Variants in COL20A1 observed in about 807,000 individuals in gnomAD.
COL20A1 encodes collagen type XX alpha 1 chain.
In COL20A1, 164 loss-of-function variants were observed where a neutral mutation model predicts 152.9. The ratio of observed to expected loss-of-function variants is 1.07; its 90% CI spans 0.94 to 1.22. The LOEUF (loss-of-function observed/expected upper bound fraction) is 1.22. Ranked by LOEUF, COL20A1 falls within the 50% of genes most tolerant of loss-of-function variation. The pLI, the probability that COL20A1 is intolerant of heterozygous loss-of-function variation, is 0.00. For synonymous variants in COL20A1, 864 were observed against 756.0 expected, an observed-to-expected ratio of 1.14 and a Z score of -2.34; for missense variants, 1,873 against 1,744.8, an observed-to-expected ratio of 1.07 and a Z score of -1.31.
chr20:63,315,270 C>T lies in COL20A1; in HGVS notation c.2489-134C>T, dbSNP rs572007664. 2.6e-5 allele frequency: 23 copies of T among 883,510 alleles called. No homozygotes were observed. The East Asian group carries it at 5.0e-4, about 19-fold the overall frequency. The allele number at this position is 883,510 out of a possible 1,614,324, so 54.7% of individuals were successfully genotyped here. On this transcript the variant is annotated intron_variant, in intron 19 of 35. Transcript: ENST00000358894. ...CAGGCCTTGTGGGTGGCAGATGGGA[C>T]ATAGCACAGTCCCACCTATACAGAT...
rs747345140 is a variant in COL20A1, at chr20:63,305,947, A to G, written c.404A>G (p.Glu135Gly). The change falls in exon 5 of 36, where the codon GAG becomes GGG. Residue 135 changes from glutamate (E) to glycine (G), a missense_variant. Glu to Gly is a moderately conservative substitution (Grantham distance 98). Coordinates refer to ENST00000358894, the MANE Select transcript of COL20A1 (RefSeq NM_020882.4). This position sits in a 1 kb window ranked among gnomAD's most constrained non-coding sequence, Gnocchi z 4.9. ...AGGCCCCTCGGCTCTGGAGCCCCGG[A>G]GCCCACCCCCTCCCACACGGGGAGC... The part of the protein sequence containing the change: ...SQRPLGSGAP[E>G]PTPSHTGSPD... 2.5e-6 allele frequency: 4 copies of G among 1,612,306 alleles called. No individual in the cohort carries two copies. The South Asian group carries it at 4.4e-5, about 18-fold the overall frequency.
intron 19 of COL20A1, 119 bp from the exon 20 acceptor site, chr20:63,315,285 C>G (rs1052504131): frequency 1.0e-6 from 1 of 994,600 alleles, no homozygotes; most frequent in Middle Eastern, 2.0e-4. Flanking sequence ...CACAGTCCCA[C>G]CTATACAGAT....
At chr20:63,309,599 C>T in intron 9 of COL20A1, 102 bp downstream of exon 9, 2 of 1,298,196 alleles carry the variant, frequency 1.5e-6, no homozygotes, top group Non-Finnish European at 2.0e-6. Context: ...GAGGCCGGCT[C>T]CTGTGGCTCT....
Position 63,327,990 on chromosome 20 carries a change from A to G in COL20A1, c.3564+3A>G. ...CCAAAGGGGAACGAGGAGAGAAGGT[A>G]AGTGAGGCTGAGATCTTTGGCTCAC... is the stretch of plus-strand genomic sequence containing the variant. On this transcript the variant is annotated splice_donor_region_variant and intron_variant, in intron 32 of 35. Coordinates refer to ENST00000358894, the MANE Select transcript of COL20A1 (RefSeq NM_020882.4). 6.2e-7 allele frequency: 1 copy of G among 1,609,572 alleles called. No individual in the cohort carries two copies. The highest frequency in any genetic ancestry group is 2.2e-5 in the East Asian group (1 of 44,682).
Position 63,311,496 on chromosome 20 carries a change from G to A in COL20A1, c.1496G>A (p.Arg499Gln), listed in dbSNP as rs1375209778. ...GCCGGGGCCACCCACTACCTGGTGC[G>A]ATGTTCTCCTGCTTCCCCCAAGGGT... The part of the protein sequence containing the change: ...PSAGATHYLV[R>Q]CSPASPKGEE... Residue 499 changes from arginine (R) to glutamine (Q), a missense_variant, in exon 12 of 36, where the codon CGA becomes CAA. Physicochemically the swap from Arg to Gln is conservative, Grantham distance 43. Coordinates refer to ENST00000358894, the MANE Select transcript of COL20A1 (RefSeq NM_020882.4). This position sits in a 1 kb window ranked among gnomAD's most constrained non-coding sequence, Gnocchi z 4.4. The A allele has an allele frequency of 5.1e-6, 8 of 1,583,006 alleles. No homozygotes were observed. Among genetic ancestry groups the A allele is most frequent in the East Asian group, 4.6e-5 (2 of 43,658 alleles).
Position 63,330,726 on chromosome 20 carries a change from T to C in COL20A1, c.*10T>C, listed in dbSNP as rs1348730699. Reference sequence around the variant, plus strand: ...CTCCCTTCTCTCCTGCCAGGACATTTTCTGCACTGCCCCGAGGAACGCTGA... The same window carrying C: ...CTCCCTTCTCTCCTGCCAGGACATTCTCTGCACTGCCCCGAGGAACGCTGA... On this transcript the variant is annotated 3_prime_UTR_variant, in exon 36 of 36. Transcript: ENST00000358894. 6.6e-6 allele frequency: 1 copy of C among 152,212 alleles called. No homozygotes were observed. The highest frequency in any genetic ancestry group is 1.9e-4 in the East Asian group (1 of 5,170). 9.4% of individuals were successfully genotyped at this position (152,212 alleles called of 1,614,324 possible).
intron 11 of COL20A1, 96 bp downstream of exon 11, chr20:63,310,606 G>T: frequency 2.2e-6 from 3 of 1,345,920 alleles, no homozygotes; most frequent in East Asian, 2.5e-5. Flanking sequence ...ATAGCGAGCA[G>T]CTCTGGATCT....
chr20:63,319,078 T>G lies in COL20A1; in HGVS notation c.2684T>G (p.Leu895Arg), dbSNP rs765943020. 2 of 1,392,108 alleles carry G rather than the reference T, an allele frequency of 1.4e-6. No homozygotes were observed. The highest frequency in any genetic ancestry group is 2.4e-5 in the South Asian group (2 of 82,416). 86.2% of individuals were successfully genotyped at this position (1,392,108 alleles called of 1,614,324 possible). The change falls in exon 22 of 36, where the codon CTA becomes CGA. Residue 895 changes from leucine (L) to arginine (R), a missense_variant. Transcript: ENST00000358894. The surrounding 1 kb of genome is among the most constrained non-coding windows in gnomAD (Gnocchi z 4.4). ...CACAGTGACGTCTACCCAGCCCCCC[T>G]ACCTCCAGAGCACACCATCGTCTTC... ...RRVSDVYPAPLPPEHTIVFLV... is the reference protein window; with the variant it reads ...RRVSDVYPAPRPPEHTIVFLV...
chr20:63,306,197 C>T lies in COL20A1; in HGVS notation c.496+158C>T. ...TCTTCCTCGTGTCTGACCACACGGT[C>T]TCTGACCACGAGGCCGGGAAGTTCT... On this transcript the variant is annotated intron_variant, in intron 5 of 35. Transcript: ENST00000358894. The surrounding 1 kb of genome is among the most constrained non-coding windows in gnomAD (Gnocchi z 6.9). 1.7e-6 allele frequency: 1 copy of T among 580,834 alleles called. No individual in the cohort carries two copies. The highest frequency in any genetic ancestry group is 3.0e-6 in the Non-Finnish European group (1 of 332,140). The allele number at this position is 580,834 out of a possible 1,614,324, so 36.0% of individuals were successfully genotyped here.
In COL20A1 at chr20:63,315,504, G is replaced by T. The variant is rs2068072803; in HGVS notation, c.2524+65G>T. On this transcript the variant is annotated intron_variant, in intron 20 of 35. Transcript: ENST00000358894. ...TCTCTCGGGCTCTTCCTGGGCGTGG[G>T]GGCCAAGGGTGTCGTGACCTGGGAC... The T allele has an allele frequency of 2.1e-6, 3 of 1,425,500 alleles. No individual in the cohort carries two copies. In the South Asian group the frequency reaches 3.9e-5, roughly 19 times the overall value. 88.3% of individuals were successfully genotyped at this position (1,425,500 alleles called of 1,614,324 possible). A position where few individuals can be genotyped will look rare whatever the true frequency, so the allele number is the denominator to read the frequency against.
intron 3 of COL20A1, among the ~76,000 whole-genome samples, chr20:63,303,946 T>C (rs898942758): frequency 9.9e-5 from 14 of 141,546 alleles, no homozygotes; most frequent in African/African-American, 3.9e-4. Context: ...CCTGCAGGTG[T>C]GCAGGTGTGG....
intron 19 of COL20A1, 126 bp downstream of exon 19, chr20:63,314,327 A>C: frequency 1.3e-6 from 1 of 786,114 alleles, no homozygotes; most frequent in Non-Finnish European, 2.1e-6. Context: ...AGTTGACCCC[A>C]GGGGTCACAG....
At chr20:63,330,242 G>A (rs1275246608) in intron 35 of COL20A1, among the ~76,000 whole-genome samples, 1 of 152,152 alleles carries the variant, frequency 6.6e-6, no homozygotes, top group African/African-American at 2.4e-5. Flanking sequence ...AGGGTCCCAG[G>A]AGCAGGTGGT....
chr20:63,325,793 T>C, intron 29 of COL20A1, 72 bp downstream of exon 29: 1 of 1,367,370 alleles, frequency 7.3e-7, no homozygotes, highest in Non-Finnish European at 1.0e-6. Flanking sequence ...GCCTTGGAGA[T>C]GGAGGCTGTG....
Position 63,311,804 on chromosome 20 carries a change from C to T in COL20A1, c.1663+56C>T, listed in dbSNP as rs2068010738. On this transcript the variant is annotated intron_variant, in intron 13 of 35. Coordinates refer to ENST00000358894, the MANE Select transcript of COL20A1 (RefSeq NM_020882.4). This position sits in a 1 kb window ranked among gnomAD's most constrained non-coding sequence, Gnocchi z 4.4. ...CAGGCGGGTGCCCCATCTTGTTCCT[C>T]AGCCTTCCATGGCATGGGAGACCTC... 1.3e-6 allele frequency: 2 copies of T among 1,544,896 alleles called. No homozygotes were observed.
chr20:63,305,336 C>T lies in COL20A1; in HGVS notation c.194-81C>T. 8.1e-7 allele frequency: 1 copy of T among 1,231,278 alleles called. No individual in the cohort carries two copies. The highest frequency in any genetic ancestry group is 1.1e-6 in the Non-Finnish European group (1 of 945,000). 76.3% of individuals were successfully genotyped at this position (1,231,278 alleles called of 1,614,324 possible). On this transcript the variant is annotated intron_variant, in intron 3 of 35. Coordinates refer to ENST00000358894, the MANE Select transcript of COL20A1 (RefSeq NM_020882.4). This position sits in a 1 kb window ranked among gnomAD's most constrained non-coding sequence, Gnocchi z 4.9. ...AGCAGCTGGGGTGGGGAGGAGGAGC[C>T]AAGAGGGTTTCACTCCCCGCCGTGA...
Position 63,312,868 on chromosome 20 carries a change from AGC to A in COL20A1, c.2011_2012del (p.Ala671ProfsTer57). 2 of 1,557,170 alleles carry A rather than the reference AGC, an allele frequency of 1.3e-6. No homozygotes were observed. Among genetic ancestry groups the A allele is most frequent in the Non-Finnish European group, 1.7e-6 (2 of 1,150,726 alleles). On this transcript the variant is annotated frameshift_variant, in exon 16 of 36. Transcript: ENST00000358894. LOFTEE classifies it high-confidence loss of function. ...DAVQLAWVAA[A>X]PSGVLVYQIT... ...CAGTCCAGCTGGCGTGGGTGGCCGCAGCCCCGTCTGGCGTGCTTGTCTACCAG... is the reference window on the plus strand; with the variant it reads ...CAGTCCAGCTGGCGTGGGTGGCCGCACCCGTCTGGCGTGCTTGTCTACCAG...
intron 27 of COL20A1, 106 bp from the exon 28 acceptor site, chr20:63,325,335 A>T (rs1167647652): frequency 1.1e-6 from 1 of 874,332 alleles, no homozygotes; most frequent in African/African-American, 1.6e-5. Context: ...CTCGCCGGGG[A>T]CCCAGGGCCG....
chr20:63,321,069 C>A lies in COL20A1; in HGVS notation c.3210C>A (p.Thr1070=). ...FVSACSCSSE[T]PGPPGPQGPP... Reference sequence around the variant, plus strand: ...CTGCCTGTTCCTGTTCCTCAGAGACCCCTGGGCCCCCAGGACCTCAAGGAC... The same window carrying A: ...CTGCCTGTTCCTGTTCCTCAGAGACACCTGGGCCCCCAGGACCTCAAGGAC... The change falls in exon 26 of 36, where the codon ACC becomes ACA. Residue 1070 remains threonine, a synonymous_variant. Coordinates refer to ENST00000358894, the MANE Select transcript of COL20A1 (RefSeq NM_020882.4). The A allele has an allele frequency of 6.2e-7, 1 of 1,601,876 alleles. No homozygotes were observed. The highest frequency in any genetic ancestry group is 1.7e-5 in the Admixed American group (1 of 58,778).
Sources: allele counts gnomAD v4.1 joint callset (sites outside exome capture counted in the v4.1 genomes callset), GRCh38; gene constraint gnomAD v4.1.1; non-coding constraint Gnocchi (gnomAD v3.1); transcripts MANE v1.5; gene names NCBI Gene and HGNC (gene_info 2026-07-23, HGNC 2026-07-21).